Variants in DOCK3 observed in about 807,000 individuals in gnomAD.
The protein encoded by DOCK3 is dedicator of cytokinesis 3.
DOCK3 carries 60 observed loss-of-function variants against 265.6 expected under a neutral mutation model. The ratio of observed to expected loss-of-function variants is 0.23; its 90% CI spans 0.18 to 0.28. The LOEUF is 0.28. DOCK3 is among the 10% of genes least tolerant of loss of function. The pLI is 1.00. For missense variants in DOCK3, 1,981 were observed against 2,594.3 expected (o/e 0.76, Z 5.14); for synonymous variants, 881 against 938.0 (o/e 0.94, Z 1.11).
intron 14 of DOCK3, among the ~76,000 whole-genome samples, chr3:51,218,311 G>A (rs938893271): frequency 6.6e-6 from 1 of 152,026 alleles, no homozygotes; most frequent in Non-Finnish European, 1.5e-5. Flanking sequence ...GCGTTCACCT[G>A]TAGTCTCAGA....
intron 9 of DOCK3, among the ~76,000 whole-genome samples, chr3:51,123,024 C>A (rs2084101524): frequency 6.6e-6 from 1 of 152,142 alleles, no homozygotes; most frequent in Non-Finnish European, 1.5e-5. Context: ...GATAACAGTC[C>A]CCATGCTGTC....
chr3:51,348,696 A>C (rs2085759699), intron 38 of DOCK3, among the ~76,000 whole-genome samples, 156 bp from the exon 39 acceptor site: 1 of 152,238 alleles, frequency 6.6e-6, no homozygotes, highest in Admixed American at 6.5e-5. Context: ...CGGCTGTGTC[A>C]TGCCCCCCAA....
chr3:50,813,345 G>A (rs893672679), intron 2 of DOCK3, among the ~76,000 whole-genome samples: 4 of 152,112 alleles, frequency 2.6e-5, no homozygotes, highest in African/African-American at 9.7e-5. Flanking sequence ...AGACCAGCCT[G>A]GGCAACATAG....
chr3:50,908,363 G>A lies in DOCK3; in HGVS notation c.218+18282G>A, dbSNP rs138700054. 5.4e-4 allele frequency among the ~76,000 whole-genome samples: 82 copies of A among 152,036 alleles called. 1 individual carries two copies. Among genetic ancestry groups the A allele is most frequent in the African/African-American group, 1.9e-3 (79 of 41,436 alleles). ...TCTGGCTTTTTGATGTGGACATTTA[G>A]TGTTATAAACTTGTGTCTTAACCCT... On this transcript the variant is annotated intron_variant, in intron 4 of 52. Coordinates refer to ENST00000266037, the MANE Select transcript of DOCK3 (RefSeq NM_004947.5).
chr3:50,787,901 T>G, intron 2 of DOCK3: 2 of 1,046,598 alleles, frequency 1.9e-6, no homozygotes, highest in Non-Finnish European at 2.9e-6. Context: ...ATTTAATGTT[T>G]GATTATTAAG....
chr3:51,111,154 C>A (rs1021385869), intron 9 of DOCK3, among the ~76,000 whole-genome samples: 12 of 152,172 alleles, frequency 7.9e-5, no homozygotes, highest in African/African-American at 2.9e-4. Flanking sequence ...ATGAGAATTA[C>A]AAAACACTGT....
intron 7 of DOCK3, among the ~76,000 whole-genome samples, chr3:51,084,251 A>G (rs1056308889): frequency 1.2e-4 from 19 of 152,186 alleles, no homozygotes; most frequent in Non-Finnish European, 1.3e-4. Flanking sequence ...ATCCCCAAAT[A>G]GATGTAATCT....
chr3:51,060,315 T>A (rs2081367696), intron 5 of DOCK3, among the ~76,000 whole-genome samples: 1 of 152,174 alleles, frequency 6.6e-6, no homozygotes, highest in Non-Finnish European at 1.5e-5. Context: ...AAAATCCAGT[T>A]TTCTAAAATT....
intron 32 of DOCK3, among the ~76,000 whole-genome samples, chr3:51,317,680 AT>A (rs1485483361): frequency 6.6e-6 from 1 of 150,842 alleles, no homozygotes; most frequent in Non-Finnish European, 1.5e-5. Context: ...GCAAAAAAAA[AT>A]TAGGTGAGGT....
chr3:51,018,115 C>T (rs1160975201), intron 5 of DOCK3, among the ~76,000 whole-genome samples: 5 of 151,792 alleles, frequency 3.3e-5, no homozygotes, highest in South Asian at 2.1e-4. Context: ...TGGTCTTGAT[C>T]TCCTGACCTC....
rs761322285 is a variant in DOCK3 at position 51,064,440 on chromosome 3, C to T, written c.316-8C>T. 26 of 1,613,330 alleles carry T rather than the reference C, an allele frequency of 1.6e-5. No individual in the cohort carries two copies. Among genetic ancestry groups the T allele is most frequent in the Non-Finnish European group, 2.1e-5 (25 of 1,179,508 alleles). The stretch of plus-strand genomic sequence containing the variant: ...GTATTTCACCCAACACCAAAAATGC[C>T]CTTTCAGAAACACAAAGTAGATCTT... On this transcript the variant is annotated splice_region_variant and splice_polypyrimidine_tract_variant and intron_variant, in intron 5 of 52. Coordinates refer to ENST00000266037, the MANE Select transcript of DOCK3 (RefSeq NM_004947.5).
At chr3:51,095,754 T>C (rs981741970) in intron 9 of DOCK3, among the ~76,000 whole-genome samples, 1 of 140,582 alleles carries the variant, frequency 7.1e-6, no homozygotes. Context: ...TCAATTCTTA[T>C]AACAGCATAT....
rs1318148105 is a variant in DOCK3 at position 50,756,162 on chromosome 3, G to T, written c.38-22513G>T. On this transcript the variant is annotated intron_variant, in intron 1 of 52. Transcript: ENST00000266037. ...CAGTGGCCTGCCAGCACTTGGGAGG[G>T]CCACATGCACAGTGTGTTTATGGAA... Among the ~76,000 whole-genome samples, 5 of 152,174 alleles carry T rather than the reference G, an allele frequency of 3.3e-5. No homozygotes were observed. In the East Asian group the frequency reaches 9.6e-4, roughly 29 times the overall value.
intron 50 of DOCK3, among the ~76,000 whole-genome samples, chr3:51,375,541 G>A (rs577410708): frequency 3.3e-5 from 5 of 152,294 alleles, no homozygotes; most frequent in East Asian, 1.9e-4. Context: ...CAAATATTGT[G>A]TATAGAAGCA....
intron 2 of DOCK3, among the ~76,000 whole-genome samples, chr3:50,804,102 G>C (rs1219054799): frequency 6.6e-6 from 1 of 151,636 alleles, no homozygotes; most frequent in Non-Finnish European, 1.5e-5. Context: ...ATCTCAGACG[G>C]GGCGGCGGGG....
At chr3:51,321,064 T>C (rs769018953) in intron 32 of DOCK3, among the ~76,000 whole-genome samples, 2 of 152,154 alleles carry the variant, frequency 1.3e-5, no homozygotes, top group Non-Finnish European at 2.9e-5. Context: ...AACAGATACC[T>C]CATACAGGAG....
chr3:51,148,784 C>T (rs1366786060), intron 10 of DOCK3, among the ~76,000 whole-genome samples: 1 of 152,168 alleles, frequency 6.6e-6, no homozygotes, highest in African/African-American at 2.4e-5. Context: ...TGTGATGCCT[C>T]CAGCTTTGTT....
intron 25 of DOCK3, among the ~76,000 whole-genome samples, chr3:51,277,219 A>G (rs981304331): frequency 1.3e-5 from 2 of 152,228 alleles, no homozygotes; most frequent in Admixed American, 6.5e-5. Context: ...ATTTGTCACC[A>G]TTTCTCAAAC....
intron 5 of DOCK3, among the ~76,000 whole-genome samples, chr3:50,956,613 C>T (rs1487994097): frequency 6.6e-6 from 1 of 152,094 alleles, no homozygotes; most frequent in Non-Finnish European, 1.5e-5. Flanking sequence ...GCTTTTTCCT[C>T]ATTCTCTTTG....
Sources: gnomAD v4.1 joint callset for allele counts (sites outside exome capture counted in the v4.1 genomes callset) on GRCh38, gnomAD v4.1.1 for gene constraint, MANE v1.5 for transcripts, NCBI Gene and HGNC (gene_info 2026-07-23, HGNC 2026-07-21) for gene names.